Variants in PCDHGA2 observed in about 807,000 individuals in gnomAD.
The protein encoded by PCDHGA2 is protocadherin gamma-A2.
PCDHGA2 carries 40 observed loss-of-function variants against 59.2 expected under a neutral mutation model. The observed-to-expected ratio is 0.68, with a 90% CI of 0.52 to 0.88. The LOEUF (loss-of-function observed/expected upper bound fraction) is 0.88. Ranked by LOEUF, PCDHGA2 falls within the 40% of genes least tolerant of loss-of-function variation. PCDHGA2 has a pLI of 0.00. For synonymous variants in PCDHGA2, 560 were observed against 526.0 expected, an observed-to-expected ratio of 1.06 and a Z score of -0.89; for missense variants, 1,226 against 1,204.0, an observed-to-expected ratio of 1.02 and a Z score of -0.27.
At position 141,340,223 on chromosome 5, in the gene PCDHGA2, TACA is replaced by T. The variant is rs1174729187; in HGVS notation, c.1256_1258del (p.Asn419del). On this transcript the variant is annotated inframe_deletion, in exon 1 of 4. Transcript: ENST00000394576. ...CCTTGACAGGGAACAGTTTTCCTTTTACAACATCACTCTAACCGCTAAAGATGG... is the reference window on the plus strand; with the variant it reads ...CCTTGACAGGGAACAGTTTTCCTTTTACATCACTCTAACCGCTAAAGATGG... 6.2e-7 allele frequency: 1 copy of T among 1,614,208 alleles called. No homozygotes were observed. Among genetic ancestry groups the T allele is most frequent in the Non-Finnish European group, 8.5e-7 (1 of 1,180,036 alleles).
chr5:141,356,661 C>G, intron 1 of PCDHGA2: 1 of 1,614,052 alleles, frequency 6.2e-7, no homozygotes, highest in Non-Finnish European at 8.5e-7. Flanking sequence ...ATGCCCGAAT[C>G]ACTTACTCCC....
intron 1 of PCDHGA2, chr5:141,357,605 G>A: frequency 1.2e-6 from 2 of 1,614,024 alleles, no homozygotes; most frequent in Non-Finnish European, 1.7e-6. Context: ...GAAACAAAAG[G>A]AGACCCTAAT....
intron 1 of PCDHGA2, chr5:141,343,789 T>G: frequency 2.3e-6 from 1 of 432,492 alleles, no homozygotes; most frequent in South Asian, 5.6e-5. Flanking sequence ...GTGTCGCTGT[T>G]GACCACTCAA....
chr5:141,480,970 A>C (rs1189003084), intron 1 of PCDHGA2, among the ~76,000 whole-genome samples: 1 of 152,120 alleles, frequency 6.6e-6, no homozygotes, highest in Non-Finnish European at 1.5e-5. Flanking sequence ...AGTGAGGGAG[A>C]ATCAGTGAAC....
intron 1 of PCDHGA2, chr5:141,415,883 G>C: frequency 1.0e-6 from 1 of 984,090 alleles, no homozygotes; most frequent in Non-Finnish European, 1.4e-6. Context: ...GTACAATATT[G>C]ACAATTCCTA....
rs754268147 is a variant in PCDHGA2, at chr5:141,410,352, G to C, written c.2424+68957G>C. ...CTGGCCATTGCCTTGCGCCTGCGAC[G>C]CTCTCTCAGCCCTGCTACTTGGGAC... On this transcript the variant is annotated intron_variant, in intron 1 of 3. Coordinates refer to ENST00000394576, the MANE Select transcript of PCDHGA2 (RefSeq NM_018915.4). The C allele has an allele frequency of 6.2e-6, 10 of 1,614,022 alleles. No homozygotes were observed. In the South Asian group the frequency reaches 1.1e-4, roughly 18 times the overall value.
chr5:141,371,072 C>T (rs1456354595), intron 1 of PCDHGA2: 3 of 1,613,886 alleles, frequency 1.9e-6, no homozygotes, highest in South Asian at 1.1e-5. Context: ...GCTGTACCAC[C>T]CAGATCAGGG....
At chr5:141,437,195 A>G (rs2097867163) in intron 1 of PCDHGA2, among the ~76,000 whole-genome samples, 2 of 152,180 alleles carry the variant, frequency 1.3e-5, no homozygotes, top group African/African-American at 4.8e-5. Context: ...ATGGGTTTGG[A>G]TGTGTTTACA....
intron 1 of PCDHGA2, chr5:141,414,036 A>G: frequency 6.2e-7 from 1 of 1,612,018 alleles, no homozygotes; most frequent in South Asian, 1.1e-5. Context: ...CATTCCGAAA[A>G]TTACCTGACA....
chr5:141,492,285 A>T (rs2099739112), intron 1 of PCDHGA2, among the ~76,000 whole-genome samples: 1 of 152,132 alleles, frequency 6.6e-6, no homozygotes, highest in African/African-American at 2.4e-5. Flanking sequence ...CGCCCCGCCA[A>T]CACGTGCGCG....
chr5:141,508,901 C>T (rs1466455227), intron 3 of PCDHGA2, among the ~76,000 whole-genome samples: 1 of 151,946 alleles, frequency 6.6e-6, no homozygotes, highest in South Asian at 2.1e-4. Flanking sequence ...GGGGGCGGGG[C>T]GGTGGCGGAT....
Position 141,485,575 on chromosome 5 carries a change from G to C in PCDHGA2, c.2425-9232G>C, listed in dbSNP as rs1200831125. On this transcript the variant is annotated intron_variant, in intron 1 of 3. Coordinates refer to ENST00000394576, the MANE Select transcript of PCDHGA2 (RefSeq NM_018915.4). This position sits in a 1 kb window ranked among gnomAD's most constrained non-coding sequence, Gnocchi z 5.7. ...TGAATGATCACGCCCCCCGTTTTCC[G>C]CGGCAGCAGCTGGACTTGGAAATTG... 2 of 1,612,496 alleles carry C rather than the reference G, an allele frequency of 1.2e-6. No homozygotes were observed. The highest frequency in any genetic ancestry group is 2.7e-5 in the African/African-American group (2 of 74,918).
At chr5:141,456,788 C>A (rs2098888156) in intron 1 of PCDHGA2, among the ~76,000 whole-genome samples, 1 of 152,088 alleles carries the variant, frequency 6.6e-6, no homozygotes, top group Admixed American at 6.5e-5. Flanking sequence ...CATGGCAAAA[C>A]CCCATCTCTA....
chr5:141,364,215 A>G, intron 1 of PCDHGA2: 1 of 1,300,530 alleles, frequency 7.7e-7, no homozygotes, highest in South Asian at 1.7e-5. Context: ...AGCTCCTACG[A>G]AAAGCCAACG....
intron 1 of PCDHGA2, among the ~76,000 whole-genome samples, chr5:141,465,443 C>T (rs979024871): frequency 6.6e-6 from 1 of 152,158 alleles, no homozygotes; most frequent in Non-Finnish European, 1.5e-5. Flanking sequence ...AATGATTACC[C>T]AAGAAAACTC....
Position 141,485,087 on chromosome 5 carries a change from T to G in PCDHGA2, c.2425-9720T>G. The G allele has an allele frequency of 2.0e-6, 2 of 1,000,176 alleles. No homozygotes were observed. The highest frequency in any genetic ancestry group is 1.5e-6 in the Non-Finnish European group (1 of 651,808). 62.0% of individuals were successfully genotyped at this position (1,000,176 alleles called of 1,614,324 possible). A position where few individuals can be genotyped will look rare whatever the true frequency, so the allele number is the denominator to read the frequency against. The stretch of plus-strand genomic sequence containing the variant: ...CAGAGCTGGCGCGGGGAAAGGGAGA[T>G]AGGTGTCTCCAGCTGCTGTGGCTGT... On this transcript the variant is annotated intron_variant, in intron 1 of 3. Transcript: ENST00000394576. This position sits in a 1 kb window ranked among gnomAD's most constrained non-coding sequence, Gnocchi z 5.7.
At chr5:141,388,497 C>T (rs2091382933) in intron 1 of PCDHGA2, 34 of 1,613,702 alleles carry the variant, frequency 2.1e-5, no homozygotes, top group Middle Eastern at 1.6e-4. Flanking sequence ...CAGAGAAAAG[C>T]AGAAATCCTA....
chr5:141,460,537 C>T (rs2098991642), intron 1 of PCDHGA2, among the ~76,000 whole-genome samples: 1 of 152,062 alleles, frequency 6.6e-6, no homozygotes, highest in African/African-American at 2.4e-5. Context: ...ATAATCTTAG[C>T]ACCTTAATCA....
Position 141,489,276 on chromosome 5 carries a change from A to G in PCDHGA2, c.2425-5531A>G. 6.4e-7 allele frequency: 1 copy of G among 1,556,122 alleles called. No homozygotes were observed. Among genetic ancestry groups the G allele is most frequent in the Non-Finnish European group, 8.7e-7 (1 of 1,151,562 alleles). On this transcript the variant is annotated intron_variant, in intron 1 of 3. Coordinates refer to ENST00000394576, the MANE Select transcript of PCDHGA2 (RefSeq NM_018915.4). The surrounding 1 kb of genome is among the most constrained non-coding windows in gnomAD (Gnocchi z 4.5). ...AGACACTCCCACAGCTCGCTGGGAA[A>G]TGGCAAGTGCTGTGCATGTTGTCCT...
Sources: allele counts gnomAD v4.1 joint callset (sites outside exome capture counted in the v4.1 genomes callset), GRCh38; gene constraint gnomAD v4.1.1; non-coding constraint Gnocchi (gnomAD v3.1); transcripts MANE v1.5; gene names NCBI Gene and HGNC (gene_info 2026-07-23, HGNC 2026-07-21).